The following GLRB variants were observed in gnomAD, a reference collection of about 807,000 sequenced individuals.
GLRB encodes glycine receptor beta.
A neutral mutation model predicts 54.2 loss-of-function variants in GLRB; 33 were observed. The observed-to-expected ratio is 0.61, with a 90% CI of 0.46 to 0.81. The LOEUF (loss-of-function observed/expected upper bound fraction) is 0.81. Ranked by LOEUF, GLRB falls within the 40% of genes least tolerant of loss-of-function variation. GLRB has a pLI of 0.00. For missense variants in GLRB, 572 were observed against 584.6 expected (o/e 0.98, Z 0.22); for synonymous variants, 209 against 208.2 (o/e 1.00, Z -0.03).
intron 3 of GLRB, 126 bp from the exon 4 acceptor site, chr4:157,122,204 T>G: frequency 2.1e-6 from 1 of 484,094 alleles, no homozygotes; most frequent in Non-Finnish European, 3.8e-6. Context: ...ACTGAGACCA[T>G]AGATTTTTTG....
At chr4:157,111,465 G>A (rs1045500462) in intron 2 of GLRB, among the ~76,000 whole-genome samples, 4 of 151,956 alleles carry the variant, frequency 2.6e-5, no homozygotes, top group Admixed American at 2.6e-4. Context: ...TCCAGAGGAA[G>A]AAGCTGTAAG....
chr4:157,108,557 G>C (rs938634905), intron 2 of GLRB, among the ~76,000 whole-genome samples: 2 of 152,104 alleles, frequency 1.3e-5, no homozygotes, highest in African/African-American at 4.8e-5. Context: ...TGACTGAATT[G>C]TTGCAATTTC....
intron 2 of GLRB, among the ~76,000 whole-genome samples, chr4:157,113,667 T>G (rs1735501115): frequency 6.6e-6 from 1 of 151,888 alleles, no homozygotes; most frequent in South Asian, 2.1e-4. Flanking sequence ...AGAGAAGATT[T>G]GAAAATGTTT....
Position 157,170,495 on chromosome 4 carries a change from A to G in GLRB, c.1261A>G (p.Ser421Gly). 1.2e-6 allele frequency: 2 copies of G among 1,609,606 alleles called. No homozygotes were observed. The highest frequency in any genetic ancestry group is 1.7e-6 in the Non-Finnish European group (2 of 1,176,116). Residue 421 changes from serine to glycine, a missense_variant, in exon 10 of 10, where the codon AGC (serine) becomes GGC (glycine). Ser to Gly is a moderately conservative substitution (Grantham distance 56). Coordinates refer to ENST00000264428, the MANE Select transcript of GLRB (RefSeq NM_000824.5). ...SKSDLRSNDFSIVGSLPRDFE... is the reference protein window; with the variant it reads ...SKSDLRSNDFGIVGSLPRDFE... ...GTCTGATCTGAGATCTAATGACTTCAGCATTGTTGGAAGCTTACCAAGAGA... is the reference window on the plus strand; with the variant it reads ...GTCTGATCTGAGATCTAATGACTTCGGCATTGTTGGAAGCTTACCAAGAGA...
In GLRB at chr4:157,111,575, G is replaced by T. The variant is rs114702686; in HGVS notation, c.123-8981G>T. ...ATTTTCCTACGAGTTCAGTGTGGCT[G>T]ATTTCATACTCAACTGAGGTACAGA... On this transcript the variant is annotated intron_variant, in intron 2 of 9. Transcript: ENST00000264428. Among the ~76,000 whole-genome samples the T allele has an allele frequency of 7.0e-3, 1,072 of 152,086 alleles. 4 individuals are homozygous for T. Among genetic ancestry groups the T allele is most frequent in the Non-Finnish European group, 0.012 (782 of 67,952 alleles).
At chr4:157,106,529 A>G (rs750796024) in intron 2 of GLRB, among the ~76,000 whole-genome samples, 1 of 152,086 alleles carries the variant, frequency 6.6e-6, no homozygotes, top group African/African-American at 2.4e-5. Flanking sequence ...ACACTACCCA[A>G]TTGGATGGGG....
chr4:157,149,942 T>G (rs1395070992), intron 8 of GLRB, among the ~76,000 whole-genome samples: 1 of 152,060 alleles, frequency 6.6e-6, no homozygotes, highest in Non-Finnish European at 1.5e-5. Flanking sequence ...ATATATGCTG[T>G]TAGGGAATTA....
At position 157,096,882 on chromosome 4, in the gene GLRB, T is replaced by C. The variant is rs78156756; in HGVS notation, c.122+18736T>C. Among the ~76,000 whole-genome samples, 1,188 of 152,278 alleles carry C rather than the reference T, an allele frequency of 7.8e-3. 21 individuals carry two copies. The East Asian group carries it at 0.1, about 13-fold the overall frequency. ...AAGTTTCCTGACAATAGCAAAAACT[T>C]TGTTATCCCAAGGCATTGTAGTGTG... On this transcript the variant is annotated intron_variant, in intron 2 of 9. Transcript: ENST00000264428.
In GLRB at chr4:157,138,918, T is replaced by C. The variant is rs756253209; in HGVS notation, c.720T>C (p.Tyr240=). 4 of 1,473,566 alleles carry C rather than the reference T, an allele frequency of 2.7e-6. No homozygotes were observed. Among genetic ancestry groups the C allele is most frequent in the Admixed American group, 1.7e-5 (1 of 59,740 alleles). 91.3% of individuals were successfully genotyped at this position (1,473,566 alleles called of 1,614,324 possible). ...QFDIKKEDIE[Y]GNCTKYYKGT... The stretch of plus-strand genomic sequence containing the variant: ...ATATCAAAAAGGAAGATATTGAATA[T>C]GGTAACTGTACAAAATACTATAAAG... The change falls in exon 7 of 10, where the codon TAT becomes TAC. Residue 240 remains tyrosine, a synonymous_variant. Coordinates refer to ENST00000264428, the MANE Select transcript of GLRB (RefSeq NM_000824.5).
At chr4:157,091,689 T>C (rs77251712) in intron 2 of GLRB, among the ~76,000 whole-genome samples, 7,050 of 152,238 alleles carry the variant, frequency 0.046, 168 homozygotes, top group African/African-American at 0.07. Flanking sequence ...TGATGCTCAG[T>C]GTATATCCAA....
chr4:157,126,426 T>A (rs2126543203), intron 4 of GLRB, among the ~76,000 whole-genome samples: 1 of 151,938 alleles, frequency 6.6e-6, no homozygotes, highest in East Asian at 2.0e-4. Flanking sequence ...ATTTCTCATG[T>A]CTGTGTGCTC....
chr4:157,160,838 T>A (rs981592112), intron 9 of GLRB, among the ~76,000 whole-genome samples: 3 of 152,180 alleles, frequency 2.0e-5, no homozygotes, highest in Non-Finnish European at 4.4e-5. Flanking sequence ...TCTGTAGCTG[T>A]CTATTAGGCC....
At chr4:157,170,291 A>C (rs964583530) in intron 9 of GLRB, 141 bp from the exon 10 acceptor site, 2 of 622,962 alleles carry the variant, frequency 3.2e-6, no homozygotes, top group Admixed American at 2.8e-5. Flanking sequence ...GTTTAATCAG[A>C]TAACCATTCT....
chr4:157,136,878 T>A lies in GLRB; in HGVS notation c.602T>A (p.Leu201Gln). The change falls in exon 6 of 10, where the codon CTG (leucine) becomes CAG (glutamine). Residue 201 changes from leucine to glutamine, a missense_variant. Transcript: ENST00000264428. Reference protein sequence around the residue: ...PMDTQRCKMQLESFGYTTDDL... With the variant: ...PMDTQRCKMQQESFGYTTDDL... ...GATACACAACGTTGCAAGATGCAAC[T>A]GGAGAGCTGTACGTAAATGAGAACA... 1 of 1,575,878 alleles carries A rather than the reference T, an allele frequency of 6.3e-7. No homozygotes were observed. The highest frequency in any genetic ancestry group is 8.7e-7 in the Non-Finnish European group (1 of 1,145,178).
chr4:157,144,763 T>C (rs1440393264), intron 8 of GLRB, among the ~76,000 whole-genome samples: 1 of 152,186 alleles, frequency 6.6e-6, no homozygotes, highest in Non-Finnish European at 1.5e-5. Context: ...ACATTTAAAT[T>C]TTCTTCCATC....
At chr4:157,148,211 A>G (rs1427505339) in intron 8 of GLRB, among the ~76,000 whole-genome samples, 1 of 152,192 alleles carries the variant, frequency 6.6e-6, no homozygotes, top group Admixed American at 6.5e-5. Flanking sequence ...GTTAGGCTGT[A>G]GTAGTAATGT....
At chr4:157,097,253 T>C (rs968831814) in intron 2 of GLRB, among the ~76,000 whole-genome samples, 3 of 152,224 alleles carry the variant, frequency 2.0e-5, no homozygotes, top group Admixed American at 6.5e-5. Flanking sequence ...TTTTGTAACA[T>C]TGATTTCTCT....
At chr4:157,125,145 A>T (rs1735971405) in intron 4 of GLRB, among the ~76,000 whole-genome samples, 1 of 151,958 alleles carries the variant, frequency 6.6e-6, no homozygotes, top group South Asian at 2.1e-4. Flanking sequence ...AATAGTGATA[A>T]CACAGAAGTG....
At chr4:157,077,934 G>A (rs1734095172) in intron 1 of GLRB, 62 bp from the exon 2 acceptor site, 4 of 1,087,454 alleles carry the variant, frequency 3.7e-6, no homozygotes, top group Non-Finnish European at 5.5e-6. Context: ...CTCTTTAAAG[G>A]GACAGTCATA....
Sources: allele counts gnomAD v4.1 joint callset (sites outside exome capture counted in the v4.1 genomes callset), GRCh38; gene constraint gnomAD v4.1.1; transcripts MANE v1.5; gene names NCBI Gene and HGNC (gene_info 2026-07-23, HGNC 2026-07-21).